Variants in PPP2R3B observed in about 807,000 individuals in gnomAD.
PPP2R3B encodes protein phosphatase 2 regulatory subunit B''beta.
A neutral mutation model predicts 72.9 loss-of-function variants in PPP2R3B; 68 were observed. The ratio of observed to expected loss-of-function variants is 0.93; its 90% CI spans 0.77 to 1.14. The LOEUF is 1.14. Ranked by LOEUF, PPP2R3B falls within the 50% of genes most tolerant of loss-of-function variation. PPP2R3B has a pLI of 0.00. For missense variants in PPP2R3B, 1,018 were observed against 842.0 expected (o/e 1.21, Z -2.59); for synonymous variants, 466 against 375.8 (o/e 1.24, Z -2.78).
chrX:347,676 G>A lies in PPP2R3B; in HGVS notation c.528C>T (p.Leu176=). 6.5e-7 allele frequency: 1 copy of A among 1,546,104 alleles called. No homozygotes were observed. Among genetic ancestry groups the A allele is most frequent in the Non-Finnish European group, 8.7e-7 (1 of 1,147,904 alleles). The change falls in exon 3 of 13, where the codon CTC becomes CTT. Residue 176 remains leucine (L), a synonymous_variant. Coordinates refer to ENST00000390665, the MANE Select transcript of PPP2R3B (RefSeq NM_013239.5). The part of the protein sequence containing the change: ...GLVAKACGCP[L]YWKGPLFYGA... Reference sequence around the variant, plus strand: ...CATAGAAGAGCGGCCCCTTCCAGTAGAGGGGGCAGCCGCAGGCCTGGGGCA... The same window carrying A: ...CATAGAAGAGCGGCCCCTTCCAGTAAAGGGGGCAGCCGCAGGCCTGGGGCA...
At position 341,259 on chromosome X, in the gene PPP2R3B, C is replaced by G. The variant is rs757181687; in HGVS notation, c.1175+48G>C. The G allele has an allele frequency of 3.9e-4, 624 of 1,596,924 alleles. 1 individual carries two copies. Among genetic ancestry groups the G allele is most frequent in the Non-Finnish European group, 5.2e-4 (606 of 1,168,330 alleles). ...CTGGGGACACATGTCACATGGGCGGCTCCCGGCCCCTCCACTGGGACAAAC... is the reference window on the plus strand; with the variant it reads ...CTGGGGACACATGTCACATGGGCGGGTCCCGGCCCCTCCACTGGGACAAAC... On this transcript the variant is annotated intron_variant, in intron 9 of 12. Coordinates refer to ENST00000390665, the MANE Select transcript of PPP2R3B (RefSeq NM_013239.5).
chrX:349,774 G>A (rs1834230094), intron 2 of PPP2R3B, among the ~76,000 whole-genome samples: 1 of 152,148 alleles, frequency 6.6e-6, no homozygotes. Context: ...ATCAACCTAC[G>A]AAAAATGGAA....
At position 334,454 on chromosome X, in the gene PPP2R3B, C is replaced by G. The variant is rs5989643; in HGVS notation, c.1641G>C (p.Gln547His). 1.3e-3 allele frequency: 2,005 copies of G among 1,596,136 alleles called. 19 individuals are homozygous for G. In the African/African-American group the frequency reaches 0.021, roughly 17 times the overall value. ...KLSALRSPLAQRPFFEAPSPL... is the reference protein window; with the variant it reads ...KLSALRSPLAHRPFFEAPSPL... ...GTGAGGGCGCCTCGAAGAAGGGCCT[C>G]TGGGCCAGCGGGGAGCGCAGCGCAC... The change falls in exon 13 of 13, where the codon CAG (glutamine) becomes CAC (histidine). Residue 547 changes from glutamine (Q) to histidine (H), a missense_variant. Coordinates refer to ENST00000390665, the MANE Select transcript of PPP2R3B (RefSeq NM_013239.5).
At chrX:357,976 C>A (rs1416122502) in intron 2 of PPP2R3B, among the ~76,000 whole-genome samples, 1 of 152,176 alleles carries the variant, frequency 6.6e-6, no homozygotes, top group Non-Finnish European at 1.5e-5. Context: ...ACGGGGGGAC[C>A]CCCCTCATCA....
At chrX:382,349 C>G (rs1380290414) in intron 1 of PPP2R3B, among the ~76,000 whole-genome samples, 4 of 151,990 alleles carry the variant, frequency 2.6e-5, no homozygotes, top group South Asian at 2.1e-4. Flanking sequence ...AGGTGCCCAC[C>G]ACCACACCCA....
chrX:364,516 A>C (rs958171854), intron 1 of PPP2R3B, among the ~76,000 whole-genome samples: 8 of 110,012 alleles, frequency 7.3e-5, no homozygotes, highest in African/African-American at 1.2e-4. Context: ...TAAAAAAAAA[A>C]AAAACAAAAA....
intron 1 of PPP2R3B, among the ~76,000 whole-genome samples, chrX:378,164 T>C (rs2072040679): frequency 6.6e-6 from 1 of 152,208 alleles, no homozygotes; most frequent in Non-Finnish European, 1.5e-5. Context: ...CCCAAATTCC[T>C]ACTCTGAAGA....
At chrX:374,226 C>T (rs936252889) in intron 1 of PPP2R3B, among the ~76,000 whole-genome samples, 12 of 152,150 alleles carry the variant, frequency 7.9e-5, no homozygotes, top group African/African-American at 1.9e-4. Context: ...AAGTGAGGTC[C>T]CCCCCCTCCA....
At chrX:361,263 G>T in intron 2 of PPP2R3B, 142 bp downstream of exon 2, 1 of 900,632 alleles carries the variant, frequency 1.1e-6, no homozygotes, top group Non-Finnish European at 1.7e-6. Context: ...GGCCGCTCCC[G>T]CACACGTGTG....
chrX:334,264 CGT>C lies in PPP2R3B; in HGVS notation c.*101_*102del. 1 of 1,262,840 alleles carries C rather than the reference CGT, an allele frequency of 7.9e-7. No individual in the cohort carries two copies. Among genetic ancestry groups the C allele is most frequent in the South Asian group, 1.7e-5 (1 of 58,224 alleles). 78.2% of individuals were successfully genotyped at this position (1,262,840 alleles called of 1,614,324 possible). On this transcript the variant is annotated 3_prime_UTR_variant, in exon 13 of 13. Transcript: ENST00000390665. Reference sequence around the variant, plus strand: ...GTGAATAAATAAAAGTTTATCATTCCGTACAAACGCACTCATTTTCCACAACA... The same window carrying C: ...GTGAATAAATAAAAGTTTATCATTCCACAAACGCACTCATTTTCCACAACA...
At position 334,524 on chromosome X, in the gene PPP2R3B, C is replaced by G; in HGVS notation, c.1578-7G>C. On this transcript the variant is annotated splice_polypyrimidine_tract_variant and splice_region_variant and intron_variant, in intron 12 of 12. Coordinates refer to ENST00000390665, the MANE Select transcript of PPP2R3B (RefSeq NM_013239.5). ...GCTGAGCTCGGCCTCGAACCTGCAA[C>G]GAGGGGATGGCGAAGACGTGGCCAG... 1 of 1,531,218 alleles carries G rather than the reference C, an allele frequency of 6.5e-7. No individual in the cohort carries two copies. Among genetic ancestry groups the G allele is most frequent in the Non-Finnish European group, 8.7e-7 (1 of 1,146,334 alleles). The allele number at this position is 1,531,218 out of a possible 1,614,324, so 94.9% of individuals were successfully genotyped here. A position where few individuals can be genotyped will look rare whatever the true frequency, so the allele number is the denominator to read the frequency against.
intron 2 of PPP2R3B, among the ~76,000 whole-genome samples, chrX:355,508 G>A (rs1234170976): frequency 2.3e-4 from 35 of 152,170 alleles, no homozygotes; most frequent in Non-Finnish European, 4.1e-4. Context: ...CGGTGGGAAC[G>A]AACAACGGTG....
At chrX:351,302 C>T (rs184527361) in intron 2 of PPP2R3B, among the ~76,000 whole-genome samples, 57 of 152,290 alleles carry the variant, frequency 3.7e-4, no homozygotes, top group Non-Finnish European at 3.5e-4. Flanking sequence ...CGCTTTTGAC[C>T]TCATGAGACC....
chrX:383,465 C>A (rs747099820), intron 1 of PPP2R3B, among the ~76,000 whole-genome samples: 1 of 152,132 alleles, frequency 6.6e-6, no homozygotes, highest in African/African-American at 2.4e-5. Flanking sequence ...ACCAGCCATA[C>A]GTGTTTCTAT....
In PPP2R3B at chrX:338,778, C is replaced by G. The variant is rs142339427; in HGVS notation, c.1470G>C (p.Arg490Ser). The G allele has an allele frequency of 6.9e-5, 112 of 1,612,320 alleles. No homozygotes were observed. The African/African-American group carries it at 1.3e-3, about 18-fold the overall frequency. ...CGGCCCGCGTGCCCGCCGCACTCAC[C>G]CTGAGCAGGGAGATCTGCTCTTTCT... is the stretch of plus-strand genomic sequence containing the variant. Reference protein sequence around the residue: ...HEQKEQISLLRDGDSGGPELS... With the variant: ...HEQKEQISLLSDGDSGGPELS... The change falls in exon 11 of 13, where the codon AGG becomes AGC. Residue 490 changes from arginine (R) to serine (S), a missense_variant and splice_region_variant. By Grantham distance (110) the Arg-to-Ser change is moderately radical (BLOSUM62 -1). Transcript: ENST00000390665.
At chrX:341,012 G>GCC in intron 9 of PPP2R3B, 72 bp from the exon 10 acceptor site, 3 of 1,556,038 alleles carry the variant, frequency 1.9e-6, no homozygotes, top group Middle Eastern at 2.3e-4. Flanking sequence ...CCCTGAGGCA[G>GCC]CCCCCACCGG....
chrX:364,338 C>A (rs1330248907), intron 1 of PPP2R3B, among the ~76,000 whole-genome samples: 2 of 151,920 alleles, frequency 1.3e-5, no homozygotes, highest in Non-Finnish European at 1.5e-5. Context: ...GACTCTCCTG[C>A]AGGTTTGCAA....
Position 334,476 on chromosome X carries a change from G to T in PPP2R3B, c.1619C>A (p.Ala540Glu), listed in dbSNP as rs139391991. The change falls in exon 13 of 13, where the codon GCG becomes GAG. Residue 540 changes from alanine to glutamate, a missense_variant. Physicochemically the swap from Ala to Glu is moderately radical, Grantham distance 107. Transcript: ENST00000390665. ...CCTCTGGGCCAGCGGGGAGCGCAGC[G>T]CACTCAGCTTCTGCTCCACAGGGCT... Reference protein sequence around the residue: ...ELSPVEQKLSALRSPLAQRPF... With the variant: ...ELSPVEQKLSELRSPLAQRPF... 4.8e-5 allele frequency: 76 copies of T among 1,588,974 alleles called. 1 individual carries two copies. The East Asian group carries it at 1.7e-3, about 36-fold the overall frequency.
At position 346,339 on chromosome X, in the gene PPP2R3B, G is replaced by A. The variant is rs955368376; in HGVS notation, c.793-79C>T. On this transcript the variant is annotated intron_variant, in intron 5 of 12. Transcript: ENST00000390665. ...CCCGCACGGAGACCGGGAGCCGGGA[G>A]AGGGGCGCGCCCTTGGTCTCAGCCG... The A allele has an allele frequency of 1.1e-5, 15 of 1,402,880 alleles. No individual in the cohort carries two copies. In the South Asian group the frequency reaches 1.1e-4, roughly 10 times the overall value. The allele number at this position is 1,402,880 out of a possible 1,614,324, so 86.9% of individuals were successfully genotyped here. A position where few individuals can be genotyped will look rare whatever the true frequency, so the allele number is the denominator to read the frequency against.
Sources: allele counts gnomAD v4.1 joint callset (sites outside exome capture counted in the v4.1 genomes callset), GRCh38; gene constraint gnomAD v4.1.1; transcripts MANE v1.5; gene names NCBI Gene and HGNC (gene_info 2026-07-23, HGNC 2026-07-21).